The following TDRD3 variants were observed in gnomAD, a reference collection of about 807,000 sequenced individuals.
The protein encoded by TDRD3 is tudor domain-containing protein 3.
A neutral mutation model predicts 86.7 loss-of-function variants in TDRD3; 45 were observed. The observed-to-expected ratio is 0.52, with a 90% CI of 0.41 to 0.67. The LOEUF is 0.67. Among genes scored for constraint, TDRD3 ranks in the 30% least tolerant of loss-of-function variants. The probability of loss-of-function intolerance (pLI) is 0.00; values close to 1 mark genes in which losing one functional copy is unlikely to be tolerated. For missense variants in TDRD3, 814 were observed against 889.0 expected, an observed-to-expected ratio of 0.92 and a Z score of 1.07; for synonymous variants, 298 against 301.7, an observed-to-expected ratio of 0.99 and a Z score of 0.13.
chr13:60,438,693 A>C (rs1455313917), intron 1 of TDRD3, among the ~76,000 whole-genome samples: 1 of 151,976 alleles, frequency 6.6e-6, no homozygotes, highest in Non-Finnish European at 1.5e-5. Context: ...ATTTCTGGGT[A>C]AGGTTTACTT....
At chr13:60,461,212 A>G (rs560604832) in intron 4 of TDRD3, among the ~76,000 whole-genome samples, 2 of 152,140 alleles carry the variant, frequency 1.3e-5, no homozygotes, top group African/African-American at 2.4e-5. Flanking sequence ...TGTTCATCAC[A>G]CTGTTTAATG....
At chr13:60,484,431 T>TG (rs1324095550) in intron 6 of TDRD3, among the ~76,000 whole-genome samples, 1 of 152,186 alleles carries the variant, frequency 6.6e-6, no homozygotes, top group Non-Finnish European at 1.5e-5. Flanking sequence ...GTCTTGCATT[T>TG]GCTCTTTAAT....
chr13:60,470,217 T>C (rs1326012078), intron 5 of TDRD3, among the ~76,000 whole-genome samples: 1 of 152,228 alleles, frequency 6.6e-6, no homozygotes, highest in African/African-American at 2.4e-5. Flanking sequence ...CAGAATTTCC[T>C]TCCTTTTTAA....
chr13:60,472,359 T>A (rs940570257), intron 5 of TDRD3, among the ~76,000 whole-genome samples: 13 of 152,214 alleles, frequency 8.5e-5, no homozygotes, highest in Admixed American at 7.2e-4. Context: ...TTAACCATCT[T>A]AGATGTACAG....
At chr13:60,415,410 T>C (rs1594904299) in intron 1 of TDRD3, among the ~76,000 whole-genome samples, 1 of 152,244 alleles carries the variant, frequency 6.6e-6, no homozygotes, top group African/African-American at 2.4e-5. Context: ...CATCAGAATC[T>C]TTACGCTTCA....
intron 12 of TDRD3, among the ~76,000 whole-genome samples, chr13:60,545,446 A>G (rs1957918291): frequency 6.6e-6 from 1 of 152,162 alleles, no homozygotes; most frequent in East Asian, 1.9e-4. Flanking sequence ...ATTATTAAAG[A>G]GTTTATTATA....
intron 8 of TDRD3, among the ~76,000 whole-genome samples, chr13:60,506,146 C>A (rs1956932679): frequency 6.6e-6 from 1 of 152,134 alleles, no homozygotes; most frequent in South Asian, 2.1e-4. Flanking sequence ...GGTCAGGTTA[C>A]CCTCAAAGGG....
rs1260044281 is a variant in TDRD3, at chr13:60,524,513, AAAAAT to A, written c.1142-3850_1142-3846del. Among the ~76,000 whole-genome samples the A allele has an allele frequency of 1.7e-4, 26 of 151,756 alleles. 1 individual carries two copies. In the South Asian group the frequency reaches 4.0e-3, roughly 23 times the overall value. On this transcript the variant is annotated intron_variant, in intron 10 of 13. Transcript: ENST00000377881. ...CAGAGTGAGGCTCCATCTCAAAAAAAAAAATAAATAAATAAATAAAAAAAGAGAAA... is the reference window on the plus strand; with the variant it reads ...CAGAGTGAGGCTCCATCTCAAAAAAAAAATAAATAAATAAAAAAAGAGAAA...
chr13:60,430,928 G>GA (rs1954940417), intron 1 of TDRD3, among the ~76,000 whole-genome samples: 1 of 152,042 alleles, frequency 6.6e-6, no homozygotes. Flanking sequence ...AAATAATGCT[G>GA]AAAATACTTT....
intron 2 of TDRD3, among the ~76,000 whole-genome samples, chr13:60,443,788 T>A (rs1309833415): frequency 6.6e-6 from 1 of 151,914 alleles, no homozygotes; most frequent in African/African-American, 2.4e-5. Context: ...AGAGCTACTG[T>A]TTACTATATT....
At chr13:60,519,542 T>G (rs1957246716) in intron 10 of TDRD3, among the ~76,000 whole-genome samples, 1 of 152,192 alleles carries the variant, frequency 6.6e-6, no homozygotes, top group African/African-American at 2.4e-5. Flanking sequence ...CATTAGTAGT[T>G]TTTTTAACCC....
At position 60,535,659 on chromosome 13, in the gene TDRD3, T is replaced by G. The variant is rs1202281774; in HGVS notation, c.2118+426T>G. 1.9e-5 allele frequency: 3 copies of G among 154,526 alleles called. No homozygotes were observed. The East Asian group carries it at 5.7e-4, about 29-fold the overall frequency. The allele number at this position is 154,526 out of a possible 1,614,324, so 9.6% of individuals were successfully genotyped here. A position where few individuals can be genotyped will look rare whatever the true frequency, so the allele number is the denominator to read the frequency against. ...TTACAGGTAAAATTAAAAAAAACAC[T>G]TTAAGTTATATACAATTTTACACTG... is the stretch of plus-strand genomic sequence containing the variant. On this transcript the variant is annotated intron_variant, in intron 12 of 13. Transcript: ENST00000377881.
chr13:60,523,202 A>C (rs944302370), intron 10 of TDRD3, among the ~76,000 whole-genome samples: 2 of 152,158 alleles, frequency 1.3e-5, no homozygotes, highest in African/African-American at 4.8e-5. Flanking sequence ...ATTCTACCTG[A>C]TTTTCTACTA....
intron 1 of TDRD3, among the ~76,000 whole-genome samples, chr13:60,411,174 A>G (rs1341841): frequency 0.2 from 30,224 of 152,196 alleles, 3,641 homozygotes; most frequent in South Asian, 0.29. Context: ...TTAGTTAGCT[A>G]TGATAGTTCA....
chr13:60,507,876 A>G (rs1220789445), intron 8 of TDRD3, among the ~76,000 whole-genome samples: 1 of 152,194 alleles, frequency 6.6e-6, no homozygotes, highest in Non-Finnish European at 1.5e-5. Flanking sequence ...AGAAAACCTC[A>G]TTGTCTCAGT....
intron 7 of TDRD3, among the ~76,000 whole-genome samples, chr13:60,486,946 A>G (rs1956452372): frequency 6.6e-6 from 1 of 152,122 alleles, no homozygotes; most frequent in Non-Finnish European, 1.5e-5. Flanking sequence ...TTTCTTTTAT[A>G]TAACTGAATA....
intron 1 of TDRD3, among the ~76,000 whole-genome samples, chr13:60,402,132 C>T (rs928014931): frequency 6.6e-6 from 1 of 152,204 alleles, no homozygotes; most frequent in African/African-American, 2.4e-5. Context: ...TTTCACATTC[C>T]ATTACATAGA....
At chr13:60,456,763 G>A (rs770896443) in intron 3 of TDRD3, among the ~76,000 whole-genome samples, 3 of 152,126 alleles carry the variant, frequency 2.0e-5, no homozygotes, top group East Asian at 3.9e-4. Flanking sequence ...TGGCGCAATC[G>A]TGGTTCACTG....
At chr13:60,404,459 C>T (rs1469332493) in intron 1 of TDRD3, among the ~76,000 whole-genome samples, 8 of 150,880 alleles carry the variant, frequency 5.3e-5, no homozygotes, top group Non-Finnish European at 8.9e-5. Context: ...TACAGGCGCC[C>T]GCCACTACGC....
Sources: allele counts gnomAD v4.1 joint callset (sites outside exome capture counted in the v4.1 genomes callset), GRCh38; gene constraint gnomAD v4.1.1; transcripts MANE v1.5; gene names NCBI Gene and HGNC (gene_info 2026-07-23, HGNC 2026-07-21).